Variants in SETX observed in about 807,000 individuals in gnomAD.
The protein encoded by SETX is senataxin.
In SETX, 90 loss-of-function variants were observed where a neutral mutation model predicts 227.2. That is an observed-to-expected ratio of 0.40 (90% CI 0.33 to 0.47). The LOEUF is 0.47. SETX is among the 20% of genes least tolerant of loss of function. SETX has a pLI of 0.91. For synonymous variants in SETX, 1,210 were observed against 1,113.2 expected, an observed-to-expected ratio of 1.09 and a Z score of -1.73; for missense variants, 3,052 against 3,181.5, an observed-to-expected ratio of 0.96 and a Z score of 0.98.
chr9:132,270,201 CAT>C (rs1842835549), intron 24 of SETX, among the ~76,000 whole-genome samples: 1 of 149,616 alleles, frequency 6.7e-6, no homozygotes, highest in African/African-American at 2.5e-5. Flanking sequence ...TCAGCGTGCC[CAT>C]GTGAGACACA....
intron 2 of SETX, 85 bp downstream of exon 2, chr9:132,353,564 T>C (rs773134084): frequency 6.6e-6 from 1 of 151,906 alleles, no homozygotes; most frequent in South Asian, 2.1e-4. Context: ...GACCTTCTTC[T>C]CTGTCCCTTT....
intron 18 of SETX, among the ~76,000 whole-genome samples, chr9:132,284,802 G>T (rs905365859): frequency 6.6e-6 from 1 of 151,506 alleles, no homozygotes; most frequent in African/African-American, 2.4e-5. Context: ...AGGGCTCACA[G>T]TTGCCACCCT....
chr9:132,313,949 G>C (rs1473997250), intron 10 of SETX, among the ~76,000 whole-genome samples: 1 of 148,966 alleles, frequency 6.7e-6, no homozygotes, highest in Non-Finnish European at 1.5e-5. Context: ...TTTGTTTTTT[G>C]AGATGCAGTT....
intron 25 of SETX, among the ~76,000 whole-genome samples, chr9:132,266,864 T>C (rs1438244506): frequency 1.3e-5 from 2 of 152,234 alleles, no homozygotes; most frequent in Admixed American, 1.3e-4. Flanking sequence ...AAATGCTAAA[T>C]TGCCAACCTT....
chr9:132,327,880 T>C lies in SETX; in HGVS notation c.3718A>G (p.Lys1240Glu), dbSNP rs752130698. 1 of 1,614,240 alleles carries C rather than the reference T, an allele frequency of 6.2e-7. No individual in the cohort carries two copies. The highest frequency in any genetic ancestry group is 8.5e-7 in the Non-Finnish European group (1 of 1,180,042). The change falls in exon 10 of 26, where the codon AAG becomes GAG. Residue 1240 changes from lysine (K) to glutamate (E), a missense_variant. By Grantham distance (56) the Lys-to-Glu change is moderately conservative. Coordinates refer to ENST00000224140, the MANE Select transcript of SETX (RefSeq NM_015046.7). ...TCTGAATGAGTTTTCTTAGGGGTCT[T>C]AGAAACTGGAACTTTCCTGATGGGT... ...TEPIRKVPVS[K>E]TPKKTHSDAK... is the part of the protein sequence containing the mutation.
chr9:132,309,002 G>A (rs1845493004), intron 11 of SETX, among the ~76,000 whole-genome samples: 1 of 152,128 alleles, frequency 6.6e-6, no homozygotes, highest in Non-Finnish European at 1.5e-5. Context: ...GCCAGGCATA[G>A]TGGTGCACAC....
intron 11 of SETX, among the ~76,000 whole-genome samples, chr9:132,302,165 G>A (rs191735392): frequency 1.0e-3 from 153 of 151,576 alleles, no homozygotes; most frequent in African/African-American, 3.6e-3. Context: ...AGAACATCCT[G>A]GCCAACACGG....
intron 12 of SETX, among the ~76,000 whole-genome samples, chr9:132,299,337 A>T (rs1291164718): frequency 6.6e-6 from 1 of 152,250 alleles, no homozygotes; most frequent in African/African-American, 2.4e-5. Context: ...TATCCAAGAC[A>T]TGATTTTGAT....
At chr9:132,286,282 T>C (rs1174004282) in intron 18 of SETX, 141 bp downstream of exon 18, 2 of 650,948 alleles carry the variant, frequency 3.1e-6, no homozygotes, top group East Asian at 2.8e-5. Context: ...ATCATGCCAC[T>C]GCACCCCAGC....
intron 17 of SETX, 147 bp from the exon 18 acceptor site, chr9:132,286,641 C>T (rs936405348): frequency 3.0e-6 from 2 of 672,546 alleles, no homozygotes; most frequent in Non-Finnish European, 2.6e-6. Flanking sequence ...CCACTGGAGT[C>T]CTGACACACT....
chr9:132,275,371 G>T lies in SETX; in HGVS notation c.6985C>A (p.Leu2329Ile), dbSNP rs1012053345. The change falls in exon 23 of 26, where the codon CTT becomes ATT. Residue 2329 changes from leucine to isoleucine, a missense_variant. This residue lies in a region of SETX where 412 missense variants were observed against 589.0 expected (regional missense o/e 0.70). Coordinates refer to ENST00000224140, the MANE Select transcript of SETX (RefSeq NM_015046.7). ...EIKLVMEIIK[L>I]IKDKRKDVSF... ...ACATCCTTTCTTTTGTCTTTAATAAGCTTAATTATTTCCATCACCAGTTTT... is the reference window on the plus strand; with the variant it reads ...ACATCCTTTCTTTTGTCTTTAATAATCTTAATTATTTCCATCACCAGTTTT... The T allele has an allele frequency of 1.2e-6, 2 of 1,607,650 alleles. No homozygotes were observed. Among genetic ancestry groups the T allele is most frequent in the African/African-American group, 2.7e-5 (2 of 74,728 alleles).
At chr9:132,266,730 C>T (rs1337054764) in intron 25 of SETX, among the ~76,000 whole-genome samples, 3 of 152,150 alleles carry the variant, frequency 2.0e-5, no homozygotes, top group Non-Finnish European at 2.9e-5. Flanking sequence ...TGAGATTGTG[C>T]CACTGCACTC....
intron 17 of SETX, among the ~76,000 whole-genome samples, chr9:132,287,452 A>G (rs1454089131): frequency 6.6e-6 from 1 of 152,166 alleles, no homozygotes; most frequent in Non-Finnish European, 1.5e-5. Context: ...CAACTGCACC[A>G]CTGCACTCCA....
intron 10 of SETX, among the ~76,000 whole-genome samples, chr9:132,314,531 C>T (rs1845854800): frequency 6.6e-6 from 1 of 152,026 alleles, no homozygotes; most frequent in East Asian, 1.9e-4. Context: ...GCTAGCTTTC[C>T]AAGTATTAAA....
rs1217762138 is a variant in SETX, at chr9:132,277,167, A to C, written c.6843-15T>G. The C allele has an allele frequency of 6.2e-7, 1 of 1,601,452 alleles. No individual in the cohort carries two copies. Among genetic ancestry groups the C allele is most frequent in the Non-Finnish European group, 8.5e-7 (1 of 1,171,322 alleles). On this transcript the variant is annotated splice_polypyrimidine_tract_variant and intron_variant, in intron 21 of 25. Coordinates refer to ENST00000224140, the MANE Select transcript of SETX (RefSeq NM_015046.7). ...CTTCTGTCTGTCTGTAAAAAAAAAA[A>C]AGCAGTCAACATTCAGAATAAAGTC...
chr9:132,327,388 C>T lies in SETX; in HGVS notation c.4210G>A (p.Val1404Ile), dbSNP rs1255840091. The T allele has an allele frequency of 3.1e-6, 5 of 1,614,206 alleles. No individual in the cohort carries two copies. Among genetic ancestry groups the T allele is most frequent in the Non-Finnish European group, 3.4e-6 (4 of 1,180,026 alleles). ...TGTTTTCTGTTACTGTTGGCAAGTA[C>T]CTCAGTTCCTCCTGTACAATTATAA... is the stretch of plus-strand genomic sequence containing the variant. Reference protein sequence around the residue: ...SDYNCTGGTEVLANSNRKQLI... With the variant: ...SDYNCTGGTEILANSNRKQLI... Residue 1404 changes from valine (V) to isoleucine (I), a missense_variant, in exon 10 of 26, where the codon GTA becomes ATA. Physicochemically the swap from Val to Ile is conservative, Grantham distance 29. Transcript: ENST00000224140.
At chr9:132,295,189 C>T (rs77075169) in intron 15 of SETX, among the ~76,000 whole-genome samples, 6,879 of 152,312 alleles carry the variant, frequency 0.045, 217 homozygotes, top group Middle Eastern at 0.068. Context: ...TTATTATCTA[C>T]ATTCTACCGA....
upstream of SETX, among the ~76,000 whole-genome samples, chr9:132,355,912 G>A (rs1848887092): frequency 1.3e-5 from 2 of 150,702 alleles, no homozygotes; most frequent in Admixed American, 6.6e-5. Context: ...GCTTGAACCC[G>A]GGAGGCAGAG....
Position 132,264,032 on chromosome 9 carries a change from C to T in SETX, c.*207G>A, listed in dbSNP as rs528935702. 57 of 634,734 alleles carry T rather than the reference C, an allele frequency of 9.0e-5. No individual in the cohort carries two copies. The South Asian group carries it at 9.7e-4, about 11-fold the overall frequency. The allele number at this position is 634,734 out of a possible 1,614,324, so 39.3% of individuals were successfully genotyped here. A position where few individuals can be genotyped will look rare whatever the true frequency, so the allele number is the denominator to read the frequency against. ...GTCTCTGACTTCAAGGACATTATTA[C>T]GGATACACAATGCCCTCTGAAAGCT... On this transcript the variant is annotated 3_prime_UTR_variant, in exon 26 of 26. Coordinates refer to ENST00000224140, the MANE Select transcript of SETX (RefSeq NM_015046.7).
Sources: gnomAD v4.1 joint callset for allele counts (sites outside exome capture counted in the v4.1 genomes callset) on GRCh38, gnomAD v4.1.1 for gene constraint, gnomAD v4.1.1 regional missense constraint, MANE v1.5 for transcripts, NCBI Gene and HGNC (gene_info 2026-07-23, HGNC 2026-07-21) for gene names.